The following CMTM8 variants were observed in gnomAD, a reference collection of about 807,000 sequenced individuals.
CMTM8 encodes CKLF like MARVEL transmembrane domain containing 8, also known as CKLF-like MARVEL transmembrane domain-containing protein 8.
Under a neutral mutation model 18.6 loss-of-function variants are expected in CMTM8, and 12 were observed. The observed-to-expected ratio is 0.65, with a 90% CI of 0.41 to 1.05. The LOEUF (loss-of-function observed/expected upper bound fraction) is 1.05, where lower values mean the gene tolerates loss of function less well. Among genes scored for constraint, CMTM8 ranks in the 50% least tolerant of loss-of-function variants. CMTM8 has a pLI of 0.00. For synonymous variants in CMTM8, 87 were observed against 90.6 expected (o/e 0.96, Z 0.23); for missense variants, 217 against 227.2 (o/e 0.95, Z 0.29).
chr3:32,277,817 G>A (rs1249407065), intron 1 of CMTM8, among the ~76,000 whole-genome samples: 3 of 152,152 alleles, frequency 2.0e-5, no homozygotes, highest in African/African-American at 7.2e-5. Flanking sequence ...TTGGACAAAT[G>A]CACAATACTG....
intron 1 of CMTM8, among the ~76,000 whole-genome samples, chr3:32,322,564 C>A (rs1352004518): frequency 6.6e-6 from 1 of 152,160 alleles, no homozygotes; most frequent in Non-Finnish European, 1.5e-5. Flanking sequence ...CACAGTGTTT[C>A]TAGGAATTGT....
chr3:32,328,379 A>AAC (rs1286110880), intron 1 of CMTM8, among the ~76,000 whole-genome samples: 1 of 93,508 alleles, frequency 1.1e-5, no homozygotes, highest in Non-Finnish European at 2.6e-5. Flanking sequence ...CCAAAAAAAA[A>AAC]AAAAAAAAAA....
intron 1 of CMTM8, among the ~76,000 whole-genome samples, chr3:32,250,407 A>G (rs1702097729): frequency 6.6e-6 from 1 of 152,228 alleles, no homozygotes; most frequent in Admixed American, 6.5e-5. Flanking sequence ...GTACCAAAAC[A>G]AACTACCAAA....
intron 1 of CMTM8, among the ~76,000 whole-genome samples, chr3:32,352,509 TG>T (rs1696729734): frequency 6.6e-6 from 1 of 152,160 alleles, no homozygotes; most frequent in African/African-American, 2.4e-5. Context: ...GTGATTCTGA[TG>T]GTCAAATTTG....
chr3:32,292,922 A>G (rs1702805096), intron 1 of CMTM8, among the ~76,000 whole-genome samples: 1 of 152,278 alleles, frequency 6.6e-6, no homozygotes, highest in East Asian at 1.9e-4. Context: ...TCCTTGAGCA[A>G]TCTATACACA....
intron 1 of CMTM8, among the ~76,000 whole-genome samples, chr3:32,298,898 T>A (rs1291034198): frequency 1.5e-5 from 2 of 136,032 alleles, no homozygotes; most frequent in African/African-American, 2.7e-5. Context: ...TATACACACA[T>A]ACACACACAC....
intron 1 of CMTM8, among the ~76,000 whole-genome samples, chr3:32,254,822 C>T (rs1487803677): frequency 2.0e-5 from 3 of 152,056 alleles, no homozygotes; most frequent in Non-Finnish European, 2.9e-5. Flanking sequence ...TAGCATTGTG[C>T]AATCATCTAC....
chr3:32,281,317 TCTC>T (rs1702606120), intron 1 of CMTM8, among the ~76,000 whole-genome samples: 1 of 152,180 alleles, frequency 6.6e-6, no homozygotes, highest in African/African-American at 2.4e-5. Flanking sequence ...ATTCGTCTCT[TCTC>T]TTGGAACGTT....
At chr3:32,278,719 A>C (rs964415813) in intron 1 of CMTM8, among the ~76,000 whole-genome samples, 1 of 152,194 alleles carries the variant, frequency 6.6e-6, no homozygotes, top group Non-Finnish European at 1.5e-5. Flanking sequence ...CCAATTTTAC[A>C]TAATACCTTT....
intron 1 of CMTM8, among the ~76,000 whole-genome samples, chr3:32,327,434 A>G (rs1374528892): frequency 6.6e-6 from 1 of 152,224 alleles, no homozygotes; most frequent in East Asian, 1.9e-4. Flanking sequence ...ACATATTCCT[A>G]CAACTCAATA....
At chr3:32,243,550 A>AAAG in intron 1 of CMTM8, among the ~76,000 whole-genome samples, 1 of 150,444 alleles carries the variant, frequency 6.6e-6, no homozygotes, top group East Asian at 2.0e-4. Flanking sequence ...AAAAAAAAAA[A>AAAG]TCACATTCTT....
At chr3:32,269,210 C>T (rs1382037744) in intron 1 of CMTM8, among the ~76,000 whole-genome samples, 1 of 152,184 alleles carries the variant, frequency 6.6e-6, no homozygotes, top group African/African-American at 2.4e-5. Context: ...CTCCCTTCAA[C>T]TTTAGTTTTA....
chr3:32,329,831 T>C (rs533708956), intron 1 of CMTM8, among the ~76,000 whole-genome samples: 1 of 152,260 alleles, frequency 6.6e-6, no homozygotes, highest in African/African-American at 2.4e-5. Flanking sequence ...ACCAATGACA[T>C]GACCTAGTAC....
At chr3:32,352,593 G>C (rs1383021338) in intron 1 of CMTM8, among the ~76,000 whole-genome samples, 2 of 152,204 alleles carry the variant, frequency 1.3e-5, no homozygotes, top group African/African-American at 4.8e-5. Flanking sequence ...ACAGATGTCA[G>C]ACATAAGACT....
At chr3:32,276,056 A>T (rs1434397299) in intron 1 of CMTM8, among the ~76,000 whole-genome samples, 2 of 152,050 alleles carry the variant, frequency 1.3e-5, no homozygotes, top group African/African-American at 4.8e-5. Flanking sequence ...TAAGAAGCTC[A>T]CTGGTCCCAG....
At chr3:32,278,113 C>G (rs973084416) in intron 1 of CMTM8, among the ~76,000 whole-genome samples, 17 of 152,240 alleles carry the variant, frequency 1.1e-4, no homozygotes, top group African/African-American at 4.1e-4. Flanking sequence ...TCATTTCCCA[C>G]CATCCTGTCT....
intron 1 of CMTM8, among the ~76,000 whole-genome samples, chr3:32,261,754 A>G (rs908932839): frequency 1.3e-5 from 2 of 152,204 alleles, no homozygotes; most frequent in Admixed American, 6.5e-5. Context: ...TAAATAACAC[A>G]TGAATGAGTC....
chr3:32,253,564 GCTGGT>G (rs1702141288), intron 1 of CMTM8, among the ~76,000 whole-genome samples: 1 of 151,862 alleles, frequency 6.6e-6, no homozygotes, highest in South Asian at 2.1e-4. Flanking sequence ...TGCTAGCCAG[GCTGGT>G]CTCAAACTCC....
At chr3:32,308,102 T>C (rs1695751240) in intron 1 of CMTM8, among the ~76,000 whole-genome samples, 1 of 152,182 alleles carries the variant, frequency 6.6e-6, no homozygotes, top group South Asian at 2.1e-4. Context: ...TACCATTTAA[T>C]TGTTATCATA....
Sources: gnomAD v4.1 joint callset for allele counts (sites outside exome capture counted in the v4.1 genomes callset) on GRCh38, gnomAD v4.1.1 for gene constraint, MANE v1.5 for transcripts, NCBI Gene and HGNC (gene_info 2026-07-23, HGNC 2026-07-21) for gene names.